Variants in PRDM7 observed in about 807,000 individuals in gnomAD.
The protein encoded by PRDM7 is PR/SET domain 7.
PRDM7 carries 52 observed loss-of-function variants against 64.3 expected under a neutral mutation model. The ratio of observed to expected loss-of-function variants is 0.81; its 90% CI spans 0.65 to 1.02. The LOEUF is 1.02. PRDM7 is among the 50% of genes least tolerant of loss of function. The probability of loss-of-function intolerance (pLI) is 0.00; values close to 1 mark genes in which losing one functional copy is unlikely to be tolerated. For synonymous variants in PRDM7, 192 were observed against 210.1 expected, an observed-to-expected ratio of 0.91 and a Z score of 0.74; for missense variants, 574 against 597.1, an observed-to-expected ratio of 0.96 and a Z score of 0.40.
rs780092367 is a variant in PRDM7, at chr16:90,075,145, G to C, written c.194-122C>G. 1.8e-5 allele frequency: 24 copies of C among 1,357,250 alleles called. No homozygotes were observed. Among genetic ancestry groups the C allele is most frequent in the Non-Finnish European group, 2.2e-5 (21 of 964,260 alleles). The allele number at this position is 1,357,250 out of a possible 1,614,324, so 84.1% of individuals were successfully genotyped here. A position where few individuals can be genotyped will look rare whatever the true frequency, so the allele number is the denominator to read the frequency against. On this transcript the variant is annotated intron_variant, in intron 3 of 10. Coordinates refer to ENST00000449207, the MANE Select transcript of PRDM7 (RefSeq NM_001098173.2). The surrounding 1 kb of genome is among the most constrained non-coding windows in gnomAD (Gnocchi z 4.3). ...CAGTCTGATGAGCTGGGAGAGTCTTGAACAAGGTCAAGATGTGACCTCTGC... is the reference window on the plus strand; with the variant it reads ...CAGTCTGATGAGCTGGGAGAGTCTTCAACAAGGTCAAGATGTGACCTCTGC...
chr16:90,063,549 C>T (rs1268348442), intron 6 of PRDM7, 63 bp downstream of exon 6: 27 of 1,581,370 alleles, frequency 1.7e-5, no homozygotes, highest in Non-Finnish European at 2.2e-5. Flanking sequence ...CATAGGTAGA[C>T]CATACTCACC....
chr16:90,062,579 C>A, intron 6 of PRDM7, 77 bp from the exon 7 acceptor site: 1 of 1,235,654 alleles, frequency 8.1e-7, no homozygotes, highest in Non-Finnish European at 1.2e-6. Context: ...AATGTGAAAT[C>A]TCCTACCATC....
Position 90,058,028 on chromosome 16 carries a change from G to T in PRDM7, c.*261C>A, listed in dbSNP as rs1280299931. 1 of 1,610,502 alleles carries T rather than the reference G, an allele frequency of 6.2e-7. No homozygotes were observed. The highest frequency in any genetic ancestry group is 1.3e-5 in the African/African-American group (1 of 74,830). On this transcript the variant is annotated 3_prime_UTR_variant, in exon 11 of 11. Coordinates refer to ENST00000449207, the MANE Select transcript of PRDM7 (RefSeq NM_001098173.2). ...CTCCCACACTCTCTGCAGACGTAGG[G>T]CTTCCCCCCTGTGTGTGTCCTTTGG...
Position 90,075,525 on chromosome 16 carries a change from G to T in PRDM7, c.70-51C>A, listed in dbSNP as rs1567881725. The T allele has an allele frequency of 4.3e-6, 7 of 1,613,862 alleles. No homozygotes were observed. The highest frequency in any genetic ancestry group is 5.1e-6 in the Non-Finnish European group (6 of 1,179,934). ...GTGATTTACTAATACACATCGAGCT[G>T]GTCCTTTTCCTCTACCCTGCGTGTA... is the stretch of plus-strand genomic sequence containing the variant. On this transcript the variant is annotated intron_variant, in intron 2 of 10. Coordinates refer to ENST00000449207, the MANE Select transcript of PRDM7 (RefSeq NM_001098173.2). The surrounding 1 kb of genome is among the most constrained non-coding windows in gnomAD (Gnocchi z 4.3).
chr16:90,075,541 C>T lies in PRDM7; in HGVS notation c.70-67G>A. On this transcript the variant is annotated intron_variant, in intron 2 of 10. Coordinates refer to ENST00000449207, the MANE Select transcript of PRDM7 (RefSeq NM_001098173.2). The surrounding 1 kb of genome is among the most constrained non-coding windows in gnomAD (Gnocchi z 4.3). Reference sequence around the variant, plus strand: ...CATCGAGCTGGTCCTTTTCCTCTACCCTGCGTGTAGGGCATAGCCTGGGGC... The same window carrying T: ...CATCGAGCTGGTCCTTTTCCTCTACTCTGCGTGTAGGGCATAGCCTGGGGC... 1 of 1,612,350 alleles carries T rather than the reference C, an allele frequency of 6.2e-7. No individual in the cohort carries two copies. The highest frequency in any genetic ancestry group is 8.5e-7 in the Non-Finnish European group (1 of 1,178,602).
intron 5 of PRDM7, 111 bp from the exon 6 acceptor site, chr16:90,063,879 TAG>T: frequency 1.5e-6 from 2 of 1,318,554 alleles, no homozygotes; most frequent in South Asian, 1.3e-5. Flanking sequence ...TGGAAATACC[TAG>T]AGTGTCTAAA....
chr16:90,070,121 T>C (rs1177806085), intron 4 of PRDM7: 1 of 151,730 alleles, frequency 6.6e-6, no homozygotes, highest in Non-Finnish European at 1.5e-5. Flanking sequence ...GAAGAACTCC[T>C]ATAATACAAC....
chr16:90,074,941 A>G lies in PRDM7; in HGVS notation c.276T>C (p.Asp92=), dbSNP rs376798628. Residue 92 remains aspartate, a synonymous_variant, in exon 4 of 11, where the codon GAT becomes GAC. Coordinates refer to ENST00000449207, the MANE Select transcript of PRDM7 (RefSeq NM_001098173.2). ...CTTGCTGCCTAGGTGTCCATTCTTC[A>G]TCGGAATCTTCTGTGTCATCCACCT... ...KLQVDDTEDS[D]EEWTPRQQVK... is the part of the protein sequence containing the mutation. The G allele has an allele frequency of 3.2e-5, 51 of 1,613,926 alleles. No individual in the cohort carries two copies. Among genetic ancestry groups the G allele is most frequent in the African/African-American group, 1.9e-4 (14 of 74,940 alleles).
At position 90,075,279 on chromosome 16, in the gene PRDM7, TTAAAA is replaced by T. The variant is rs2038019713; in HGVS notation, c.193+67_193+71del. On this transcript the variant is annotated intron_variant, in intron 3 of 10. Transcript: ENST00000449207. The surrounding 1 kb of genome is among the most constrained non-coding windows in gnomAD (Gnocchi z 4.3). ...GTGGGCAGATGCCGCCACCTGATAA[TTAAAA>T]TAATATAGGGACCAAAGACCTGTTT... 1 of 1,609,428 alleles carries T rather than the reference TTAAAA, an allele frequency of 6.2e-7. No homozygotes were observed. Among genetic ancestry groups the T allele is most frequent in the Non-Finnish European group, 8.5e-7 (1 of 1,177,068 alleles).
intron 4 of PRDM7, among the ~76,000 whole-genome samples, chr16:90,070,817 G>C (rs945722387): frequency 1.3e-5 from 2 of 152,204 alleles, no homozygotes; most frequent in Non-Finnish European, 2.9e-5. Flanking sequence ...CACTCAATGT[G>C]TGGTATTTTC....
chr16:90,061,583 C>T (rs1397923558), intron 8 of PRDM7, 64 bp from the exon 9 acceptor site: 3 of 1,523,578 alleles, frequency 2.0e-6, no homozygotes. Flanking sequence ...TTATTTTACT[C>T]CACGGTCATC....
chr16:90,058,653 C>T, intron 10 of PRDM7, 119 bp from the exon 11 acceptor site: 1 of 1,241,800 alleles, frequency 8.1e-7, no homozygotes, highest in South Asian at 1.2e-5. Flanking sequence ...CAAGCTCTCT[C>T]CCACCAAGTG....
At position 90,075,022 on chromosome 16, in the gene PRDM7, A is replaced by C. The variant is rs777215652; in HGVS notation, c.195T>G (p.Gly65=). Residue 65 remains glycine (G), a splice_region_variant and synonymous_variant, in exon 4 of 11, where the codon GGT becomes GGG. Transcript: ENST00000449207. This position sits in a 1 kb window ranked among gnomAD's most constrained non-coding sequence, Gnocchi z 4.3. ...TGAAAGCTGGTCGAGTGGCTCTGAG[A>C]CCTGAAAAGAAGCAAAAAATTTTGC... The part of the protein sequence containing the change: ...KMNYNALITV[G]LRATRPAFMC... 5 of 1,614,050 alleles carry C rather than the reference A, an allele frequency of 3.1e-6. No homozygotes were observed. The highest frequency in any genetic ancestry group is 3.4e-6 in the Non-Finnish European group (4 of 1,180,008).
At chr16:90,062,572 G>A (rs2037801322) in intron 6 of PRDM7, 70 bp from the exon 7 acceptor site, 17 of 1,298,630 alleles carry the variant, frequency 1.3e-5, no homozygotes, top group Non-Finnish European at 1.9e-5. Context: ...ATAAGAAAAT[G>A]TGAAATCTCC....
chr16:90,075,496 A>G lies in PRDM7; in HGVS notation c.70-22T>C, dbSNP rs142804604. On this transcript the variant is annotated intron_variant, in intron 2 of 10. Coordinates refer to ENST00000449207, the MANE Select transcript of PRDM7 (RefSeq NM_001098173.2). The surrounding 1 kb of genome is among the most constrained non-coding windows in gnomAD (Gnocchi z 4.3). ...TGACCTAGAGGAAGTAACAGATTCC[A>G]TCAGTGATTTACTAATACACATCGA... 7 of 1,614,080 alleles carry G rather than the reference A, an allele frequency of 4.3e-6. No individual in the cohort carries two copies. The highest frequency in any genetic ancestry group is 5.9e-6 in the Non-Finnish European group (7 of 1,180,034).
At chr16:90,071,884 G>T (rs757802245) in intron 4 of PRDM7, among the ~76,000 whole-genome samples, 24 of 152,090 alleles carry the variant, frequency 1.6e-4, no homozygotes, top group Non-Finnish European at 2.8e-4. Context: ...CCACTTCTGG[G>T]TATATAATAT....
At position 90,077,208 on chromosome 16, in the gene PRDM7, C is replaced by T. The variant is rs954477698; in HGVS notation, c.-86+18G>A. 6.6e-6 allele frequency: 1 copy of T among 152,178 alleles called. No homozygotes were observed. Among genetic ancestry groups the T allele is most frequent in the East Asian group, 1.9e-4 (1 of 5,180 alleles). 9.4% of individuals were successfully genotyped at this position (152,178 alleles called of 1,614,324 possible). ...GTCTCCTAGGCTAAAATTTGAAGGT[C>T]TTGGGATGAGGGTTTACAAGGGTTT... On this transcript the variant is annotated intron_variant, in intron 1 of 10. Coordinates refer to ENST00000449207, the MANE Select transcript of PRDM7 (RefSeq NM_001098173.2).
rs771949203 is a variant in PRDM7 at position 90,074,964 on chromosome 16, C to T, written c.253G>A (p.Val85Met). Reference protein sequence around the residue: ...CHRRQAIKLQVDDTEDSDEEW... With the variant: ...CHRRQAIKLQMDDTEDSDEEW... Reference sequence around the variant, plus strand: ...TCATCGGAATCTTCTGTGTCATCCACCTGGAGTTTGATGGCCTGCCTTCGG... The same window carrying T: ...TCATCGGAATCTTCTGTGTCATCCATCTGGAGTTTGATGGCCTGCCTTCGG... The change falls in exon 4 of 11, where the codon GTG (valine) becomes ATG (methionine). Residue 85 changes from valine to methionine, a missense_variant. By Grantham distance (21) the Val-to-Met change is conservative. Coordinates refer to ENST00000449207, the MANE Select transcript of PRDM7 (RefSeq NM_001098173.2). 6.2e-7 allele frequency: 1 copy of T among 1,614,170 alleles called. No individual in the cohort carries two copies. Among genetic ancestry groups the T allele is most frequent in the South Asian group, 1.1e-5 (1 of 91,088 alleles).
chr16:90,075,248 G>A lies in PRDM7; in HGVS notation c.193+103C>T, dbSNP rs1333453735. ...CTCCAGATTTGTCTCCGTGCAAAAG[G>A]GAATTGTGGGCAGATGCCGCCACCT... On this transcript the variant is annotated intron_variant, in intron 3 of 10. Transcript: ENST00000449207. This position sits in a 1 kb window ranked among gnomAD's most constrained non-coding sequence, Gnocchi z 4.3. 1.3e-6 allele frequency: 2 copies of A among 1,584,920 alleles called. No homozygotes were observed. The highest frequency in any genetic ancestry group is 2.7e-5 in the African/African-American group (2 of 74,004).
Sources: gnomAD v4.1 joint callset for allele counts (sites outside exome capture counted in the v4.1 genomes callset) on GRCh38, gnomAD v4.1.1 for gene constraint, Gnocchi (gnomAD v3.1) non-coding constraint, MANE v1.5 for transcripts, NCBI Gene and HGNC (gene_info 2026-07-23, HGNC 2026-07-21) for gene names.